The following ZNF250 variants were observed in gnomAD, a reference collection of about 807,000 sequenced individuals.
The protein encoded by ZNF250 is zinc finger protein (clone 647).
In ZNF250, 13 loss-of-function variants were observed where a neutral mutation model predicts 37.1. The observed-to-expected ratio is 0.35, with a 90% CI of 0.23 to 0.56. The LOEUF is 0.56. Among genes scored for constraint, ZNF250 ranks in the 20% least tolerant of loss-of-function variants. The pLI is 0.87. For missense variants in ZNF250, 474 were observed against 697.9 expected (o/e 0.68, Z 3.61); for synonymous variants, 251 against 265.6 (o/e 0.94, Z 0.54).
rs775960287 is a variant in ZNF250 at position 144,889,660 on chromosome 8, C to A, written c.204G>T (p.Gln68His). ...LPGSKPDIIS[Q>H]LERGEDPWVL... Reference sequence around the variant, plus strand: ...CCCAGGGATCTTCCCCTCGCTCCAGCTGGGAGATTATGTCAGGCTTGGATC... The same window carrying A: ...CCCAGGGATCTTCCCCTCGCTCCAGATGGGAGATTATGTCAGGCTTGGATC... The change falls in exon 4 of 6, where the codon CAG (glutamine) becomes CAT (histidine). Residue 68 changes from glutamine to histidine, a missense_variant. Transcript: ENST00000417550. 1.2e-6 allele frequency: 2 copies of A among 1,613,858 alleles called. No individual in the cohort carries two copies. The highest frequency in any genetic ancestry group is 2.7e-5 in the African/African-American group (2 of 74,940).
chr8:144,878,768 T>C lies in ZNF250; in HGVS notation c.*2747A>G, dbSNP rs1281584501. On this transcript the variant is annotated 3_prime_UTR_variant, in exon 6 of 6. Coordinates refer to ENST00000417550, the MANE Select transcript of ZNF250 (RefSeq NM_001109689.4). ...CTTCTCTGAAGAAACACCTCTGTGA[T>C]CTCAGCTTCTCTGAAGAATTACCTC... The C allele has an allele frequency of 6.6e-6, 1 of 152,252 alleles. No individual in the cohort carries two copies. The highest frequency in any genetic ancestry group is 1.5e-5 in the Non-Finnish European group (1 of 68,046). The allele number at this position is 152,252 out of a possible 1,614,324, so 9.4% of individuals were successfully genotyped here.
In ZNF250 at chr8:144,877,782, T is replaced by C. The variant is rs1831224001; in HGVS notation, c.*3733A>G. On this transcript the variant is annotated 3_prime_UTR_variant, in exon 6 of 6. Transcript: ENST00000417550. ...AAGAATGCAGGAAAAAAACTATACT[T>C]TTTGGAAGGATTTCCCTGAAAACCC... The C allele has an allele frequency of 6.6e-6, 1 of 152,182 alleles. No homozygotes were observed. The highest frequency in any genetic ancestry group is 6.5e-5 in the Admixed American group (1 of 15,268). 9.4% of individuals were successfully genotyped at this position (152,182 alleles called of 1,614,324 possible).
At chr8:144,893,905 T>A (rs989908487) in intron 1 of ZNF250, among the ~76,000 whole-genome samples, 4 of 152,172 alleles carry the variant, frequency 2.6e-5, no homozygotes, top group African/African-American at 9.7e-5. Context: ...ACTCCCTGGA[T>A]GGCTGCTGGA....
rs543814914 is a variant in ZNF250, at chr8:144,891,135, G to A, written c.-54-732C>T. On this transcript the variant is annotated intron_variant, in intron 1 of 5. Coordinates refer to ENST00000417550, the MANE Select transcript of ZNF250 (RefSeq NM_001109689.4). The surrounding 1 kb of genome is among the most constrained non-coding windows in gnomAD (Gnocchi z 4.0). Reference sequence around the variant, plus strand: ...CACACACCCAAACAGCTGGGAAAAAGGGGGAGCGGGGCAAGAGCTTTCCTG... The same window carrying A: ...CACACACCCAAACAGCTGGGAAAAAAGGGGAGCGGGGCAAGAGCTTTCCTG... Among the ~76,000 whole-genome samples, 2 of 152,276 alleles carry A rather than the reference G, an allele frequency of 1.3e-5. No homozygotes were observed. The highest frequency in any genetic ancestry group is 1.9e-4 in the East Asian group (1 of 5,180).
chr8:144,886,214 TA>T (rs1301968925), intron 5 of ZNF250, among the ~76,000 whole-genome samples: 2 of 151,646 alleles, frequency 1.3e-5, no homozygotes, highest in African/African-American at 2.4e-5. Context: ...CTCATGCCGG[TA>T]ATCCCAGCAT....
chr8:144,880,582 G>C lies in ZNF250; in HGVS notation c.*933C>G, dbSNP rs1831401168. ...AAAGCTCCAGATAAAGGGTTTTCTAGGCCAGGCATGGTGCCTCACGCCTGT... is the reference window on the plus strand; with the variant it reads ...AAAGCTCCAGATAAAGGGTTTTCTACGCCAGGCATGGTGCCTCACGCCTGT... On this transcript the variant is annotated 3_prime_UTR_variant, in exon 6 of 6. Transcript: ENST00000417550. 2.3e-6 allele frequency: 1 copy of C among 441,198 alleles called. No homozygotes were observed. The highest frequency in any genetic ancestry group is 2.0e-5 in the African/African-American group (1 of 49,594). The allele number at this position is 441,198 out of a possible 1,614,324, so 27.3% of individuals were successfully genotyped here.
At chr8:144,900,070 A>C (rs1328677987) in intron 1 of ZNF250, among the ~76,000 whole-genome samples, 1 of 152,232 alleles carries the variant, frequency 6.6e-6, no homozygotes, top group Non-Finnish European at 1.5e-5. Context: ...TACATGGAAA[A>C]AAATATGAGC....
At chr8:144,883,387 T>C (rs1470690944) in intron 5 of ZNF250, among the ~76,000 whole-genome samples, 3 of 151,850 alleles carry the variant, frequency 2.0e-5, no homozygotes, top group South Asian at 4.2e-4. Context: ...TTATCCAGGC[T>C]GGAGTGCAGT....
chr8:144,902,099 G>T (rs957918749), upstream of ZNF250: 3 of 152,448 alleles, frequency 2.0e-5, no homozygotes, highest in Non-Finnish European at 4.4e-5. Context: ...GCTCTTCGCT[G>T]TGTCCGGCCC....
rs370697154 is a variant in ZNF250 at position 144,889,713 on chromosome 8, G to A, written c.170-19C>T. On this transcript the variant is annotated intron_variant, in intron 3 of 5. Transcript: ENST00000417550. ...GGAAGTCCTGCTCGTGGGGAGGGAA[G>A]TCTTTGTTTACACAACATTTACAGA... 15 of 1,608,906 alleles carry A rather than the reference G, an allele frequency of 9.3e-6. No homozygotes were observed. The highest frequency in any genetic ancestry group is 1.3e-5 in the Non-Finnish European group (15 of 1,176,880).
chr8:144,884,104 A>G (rs1831699908), intron 5 of ZNF250, among the ~76,000 whole-genome samples: 1 of 152,110 alleles, frequency 6.6e-6, no homozygotes, highest in Admixed American at 6.6e-5. Flanking sequence ...CTATAGTTTC[A>G]TGGAGCACAG....
In ZNF250 at chr8:144,891,184, AG is replaced by A. The variant is rs1177254057; in HGVS notation, c.-54-782del. ...TGACACATTTGGTCCTGTACAGGAT[AG>A]GGTTCGCAGTCTTCTGGAGCATCAA... On this transcript the variant is annotated intron_variant, in intron 1 of 5. Transcript: ENST00000417550. The surrounding 1 kb of genome is among the most constrained non-coding windows in gnomAD (Gnocchi z 4.0). Among the ~76,000 whole-genome samples the A allele has an allele frequency of 1.3e-5, 2 of 152,186 alleles. No homozygotes were observed. The highest frequency in any genetic ancestry group is 2.9e-5 in the Non-Finnish European group (2 of 68,024).
chr8:144,899,123 G>C (rs1277445471), intron 1 of ZNF250, among the ~76,000 whole-genome samples: 1 of 152,106 alleles, frequency 6.6e-6, no homozygotes, highest in African/African-American at 2.4e-5. Context: ...AAATAAGCCA[G>C]GTACAGAAAG....
rs978297904 is a variant in ZNF250, at chr8:144,897,579, G to A, written c.-55+3820C>T. On this transcript the variant is annotated intron_variant, in intron 1 of 5. Coordinates refer to ENST00000417550, the MANE Select transcript of ZNF250 (RefSeq NM_001109689.4). The surrounding 1 kb of genome is among the most constrained non-coding windows in gnomAD (Gnocchi z 5.2). ...TGAGGTCAGGTGCTGAGACCAGCTC[G>A]GTCGGGGAGACCCTAACCCAGCGGC... is the stretch of plus-strand genomic sequence containing the variant. Among the ~76,000 whole-genome samples the A allele has an allele frequency of 1.3e-5, 2 of 151,938 alleles. No individual in the cohort carries two copies. The highest frequency in any genetic ancestry group is 2.9e-5 in the Non-Finnish European group (2 of 67,986).
At position 144,891,281 on chromosome 8, in the gene ZNF250, C is replaced by T. The variant is rs1832317683; in HGVS notation, c.-54-878G>A. On this transcript the variant is annotated intron_variant, in intron 1 of 5. Coordinates refer to ENST00000417550, the MANE Select transcript of ZNF250 (RefSeq NM_001109689.4). The surrounding 1 kb of genome is among the most constrained non-coding windows in gnomAD (Gnocchi z 4.0). ...AAGGTGGTAGATCACTCCAGAAAAA[C>T]GTGGTATAACAAAGCAACCAATCCC... is the stretch of plus-strand genomic sequence containing the variant. Among the ~76,000 whole-genome samples, 1 of 152,064 alleles carries T rather than the reference C, an allele frequency of 6.6e-6. No individual in the cohort carries two copies. Among genetic ancestry groups the T allele is most frequent in the Non-Finnish European group, 1.5e-5 (1 of 68,022 alleles).
chr8:144,881,690 C>T lies in ZNF250; in HGVS notation c.1493G>A (p.Gly498Asp). Residue 498 changes from glycine (G) to aspartate (D), a missense_variant, in exon 6 of 6, where the codon GGC (glycine) becomes GAC (aspartate). By Grantham distance (94) the Gly-to-Asp change is moderately conservative. Transcript: ENST00000417550. Reference sequence around the variant, plus strand: ...GCTATTGCACTCATATGGCTTCTCGCCCGTGTGGGTCCTCAGGTGCACAAT... The same window carrying T: ...GCTATTGCACTCATATGGCTTCTCGTCCGTGTGGGTCCTCAGGTGCACAAT... Reference protein sequence around the residue: ...TLIVHLRTHTGEKPYECNSCG... With the variant: ...TLIVHLRTHTDEKPYECNSCG... 6.2e-7 allele frequency: 1 copy of T among 1,613,900 alleles called. No homozygotes were observed. The highest frequency in any genetic ancestry group is 2.2e-5 in the East Asian group (1 of 44,852).
In ZNF250 at chr8:144,890,159, G is replaced by A. The variant is rs1007127670; in HGVS notation, c.43-100C>T. On this transcript the variant is annotated intron_variant, in intron 2 of 5. Transcript: ENST00000417550. The surrounding 1 kb of genome is among the most constrained non-coding windows in gnomAD (Gnocchi z 5.1). ...TGACATGAGCAGTTGGCAGTGGGGG[G>A]CTCTGTGAGCTGAGGTGGGTGATGG... 2.6e-6 allele frequency: 4 copies of A among 1,541,530 alleles called. No individual in the cohort carries two copies. The highest frequency in any genetic ancestry group is 1.7e-4 in the Middle Eastern group (1 of 5,992).
At chr8:144,893,199 G>T (rs1035872983) in intron 1 of ZNF250, among the ~76,000 whole-genome samples, 12 of 152,110 alleles carry the variant, frequency 7.9e-5, no homozygotes, top group African/African-American at 2.9e-4. Context: ...TGAAGACCAA[G>T]TGTGAGCATT....
chr8:144,882,932 T>G lies in ZNF250; in HGVS notation c.347-96A>C. ...TGGCCTTGCTGATGAAGGTGCAAAA[T>G]CCCTCAATGCACACGTTGGTGTGAG... On this transcript the variant is annotated intron_variant, in intron 5 of 5. Coordinates refer to ENST00000417550, the MANE Select transcript of ZNF250 (RefSeq NM_001109689.4). This position sits in a 1 kb window ranked among gnomAD's most constrained non-coding sequence, Gnocchi z 5.5. The G allele has an allele frequency of 7.3e-6, 10 of 1,372,082 alleles. No homozygotes were observed. Among genetic ancestry groups the G allele is most frequent in the Non-Finnish European group, 1.0e-5 (10 of 1,000,518 alleles). 85.0% of individuals were successfully genotyped at this position (1,372,082 alleles called of 1,614,324 possible).
Sources: gnomAD v4.1 joint callset for allele counts (sites outside exome capture counted in the v4.1 genomes callset) on GRCh38, gnomAD v4.1.1 for gene constraint, Gnocchi (gnomAD v3.1) non-coding constraint, MANE v1.5 for transcripts, NCBI Gene and HGNC (gene_info 2026-07-23, HGNC 2026-07-21) for gene names.